Variants in AGBL4 observed in about 807,000 individuals in gnomAD.
AGBL4 encodes the protein AGBL carboxypeptidase 4.
Under a neutral mutation model 66.4 loss-of-function variants are expected in AGBL4, and 58 were observed. The ratio of observed to expected loss-of-function variants is 0.87; its 90% confidence interval spans 0.71 to 1.09. The LOEUF is 1.09. AGBL4 is among the 50% of genes least tolerant of loss of function. AGBL4 has a pLI of 0.00. For synonymous variants in AGBL4, 234 were observed against 222.9 expected, an observed-to-expected ratio of 1.05 and a Z score of -0.44; for missense variants, 579 against 631.0, an observed-to-expected ratio of 0.92 and a Z score of 0.88.
chr1:48,997,766 A>G (rs1045881239), intron 5 of AGBL4, among the ~76,000 whole-genome samples: 5 of 152,198 alleles, frequency 3.3e-5, no homozygotes, highest in African/African-American at 1.2e-4. Context: ...AAAATCAACC[A>G]GACACTATAT....
intron 4 of AGBL4, among the ~76,000 whole-genome samples, chr1:49,093,086 C>G (rs1645030215): frequency 6.6e-6 from 1 of 152,102 alleles, no homozygotes; most frequent in Non-Finnish European, 1.5e-5. Flanking sequence ...CCTTAGATTG[C>G]AACTAATTAT....
In AGBL4 at chr1:49,488,177, A is replaced by G. The variant is rs190278101; in HGVS notation, c.282+209136T>C. ...GCCAGCTTCTAATCTTTAAAAAGAA[A>G]TAAAAATTGTAAAGTTTTTCGTATA... On this transcript the variant is annotated intron_variant, in intron 3 of 13. Coordinates refer to ENST00000371839, the MANE Select transcript of AGBL4 (RefSeq NM_032785.4). 1.6e-4 allele frequency among the ~76,000 whole-genome samples: 24 copies of G among 152,002 alleles called. 1 individual carries two copies. Among genetic ancestry groups the G allele is most frequent in the Admixed American group, 7.2e-4 (11 of 15,236 alleles).
At chr1:49,110,802 C>T (rs1230716917) in intron 4 of AGBL4, among the ~76,000 whole-genome samples, 1 of 152,142 alleles carries the variant, frequency 6.6e-6, no homozygotes, top group Non-Finnish European at 1.5e-5. Context: ...TATGCATATG[C>T]TTATTCTTCA....
intron 1 of AGBL4, among the ~76,000 whole-genome samples, chr1:49,969,934 G>T (rs771226510): frequency 6.6e-6 from 1 of 152,134 alleles, no homozygotes; most frequent in Non-Finnish European, 1.5e-5. Context: ...AGAGAACCCA[G>T]AAATAAACAC....
At chr1:49,933,292 C>T (rs534678681) in intron 1 of AGBL4, among the ~76,000 whole-genome samples, 24 of 152,106 alleles carry the variant, frequency 1.6e-4, no homozygotes, top group Admixed American at 1.4e-3. Context: ...AAACTGTCAA[C>T]CAAGAATACT....
chr1:48,687,792 G>A (rs571719209), intron 6 of AGBL4, among the ~76,000 whole-genome samples: 7 of 152,266 alleles, frequency 4.6e-5, no homozygotes, highest in South Asian at 2.1e-4. Flanking sequence ...CAGCACCCTC[G>A]GCTGGCACTC....
intron 1 of AGBL4, among the ~76,000 whole-genome samples, chr1:49,950,213 ACTC>A (rs1656035404): frequency 1.4e-5 from 2 of 147,904 alleles, no homozygotes; most frequent in Non-Finnish European, 3.0e-5. Context: ...TATGAATACT[ACTC>A]TGCCATAAAA....
chr1:48,867,363 C>A lies in AGBL4; in HGVS notation c.595-133G>T, dbSNP rs1179939358. 1.0e-5 allele frequency: 9 copies of A among 891,004 alleles called. No individual in the cohort carries two copies. In the East Asian group the frequency reaches 2.4e-4, roughly 23 times the overall value. 55.2% of individuals were successfully genotyped at this position (891,004 alleles called of 1,614,324 possible). A position where few individuals can be genotyped will look rare whatever the true frequency, so the allele number is the denominator to read the frequency against. ...TAAATCATACGGAATGTGGTACTCACTTCCAATTCTGCAGAGAGGGTTTGT... is the reference window on the plus strand; with the variant it reads ...TAAATCATACGGAATGTGGTACTCAATTCCAATTCTGCAGAGAGGGTTTGT... On this transcript the variant is annotated intron_variant, in intron 5 of 13. Transcript: ENST00000371839.
intron 3 of AGBL4, among the ~76,000 whole-genome samples, chr1:49,685,133 C>T (rs1275143903): frequency 6.6e-6 from 1 of 152,132 alleles, no homozygotes; most frequent in Non-Finnish European, 1.5e-5. Context: ...ATATTTAGCT[C>T]CCAATTATAA....
chr1:49,690,343 GTT>G (rs201519045), intron 3 of AGBL4, among the ~76,000 whole-genome samples: 2,448 of 152,212 alleles, frequency 0.016, 30 homozygotes, highest in Middle Eastern at 0.051. Flanking sequence ...ATGTTAAAAG[GTT>G]CACAGTCATT....
At chr1:48,522,716 A>G in the AGBL4 span, among the ~76,000 whole-genome samples, 3 of 152,064 alleles carry the variant, frequency 2.0e-5, no homozygotes, top group Admixed American at 2.0e-4. Context: ...GAATCTTTGG[A>G]AGGCGGGAAT....
At chr1:48,883,391 GC>G (rs1231237738) in intron 5 of AGBL4, among the ~76,000 whole-genome samples, 8 of 152,008 alleles carry the variant, frequency 5.3e-5, no homozygotes, top group African/African-American at 1.9e-4. Flanking sequence ...ATCCTTCCTT[GC>G]CTAGCTACCT....
intron 8 of AGBL4, among the ~76,000 whole-genome samples, chr1:48,637,948 C>G (rs1179094741): frequency 6.6e-6 from 1 of 152,182 alleles, no homozygotes; most frequent in South Asian, 2.1e-4. Flanking sequence ...CCAGCCCTCA[C>G]TGAGCATCTA....
At chr1:49,833,748 T>C (rs955024712) in intron 2 of AGBL4, among the ~76,000 whole-genome samples, 2 of 152,192 alleles carry the variant, frequency 1.3e-5, no homozygotes, top group Admixed American at 6.5e-5. Context: ...TTATTCTCTT[T>C]GAAGCAATTG....
At chr1:49,622,269 T>A (rs1018959588) in intron 3 of AGBL4, among the ~76,000 whole-genome samples, 10 of 152,142 alleles carry the variant, frequency 6.6e-5, no homozygotes, top group Admixed American at 2.0e-4. Flanking sequence ...TATGGAGTTA[T>A]TAGGTGTAAG....
chr1:50,022,614 CCACACACA>C (rs10588611), intron 1 of AGBL4, among the ~76,000 whole-genome samples: 54,133 of 141,114 alleles, frequency 0.38, 11,013 homozygotes, highest in East Asian at 0.8. Context: ...TGTACCATAA[CCACACACA>C]CACACACACA....
intron 6 of AGBL4, among the ~76,000 whole-genome samples, chr1:48,861,134 GA>G (rs1424242373): frequency 1.3e-5 from 2 of 152,206 alleles, no homozygotes; most frequent in South Asian, 2.1e-4. Flanking sequence ...GAAAGAGACA[GA>G]AAAAAATCTA....
chr1:48,750,532 C>T (rs1384145139), intron 6 of AGBL4, among the ~76,000 whole-genome samples: 6 of 152,140 alleles, frequency 3.9e-5, no homozygotes, highest in Admixed American at 6.5e-5. Context: ...CCTGAGAGCT[C>T]GGGACCAAAG....
At chr1:49,265,121 A>G (rs1643890478) in intron 3 of AGBL4, among the ~76,000 whole-genome samples, 1 of 152,166 alleles carries the variant, frequency 6.6e-6, no homozygotes, top group Non-Finnish European at 1.5e-5. Flanking sequence ...GTTTTATATT[A>G]CAAATGGTTA....
Sources: allele counts gnomAD v4.1 joint callset (sites outside exome capture counted in the v4.1 genomes callset), GRCh38; gene constraint gnomAD v4.1.1; transcripts MANE v1.5; gene names NCBI Gene and HGNC (gene_info 2026-07-23, HGNC 2026-07-21).